Variants in DYNC2I1 observed in about 807,000 individuals in gnomAD.
DYNC2I1 encodes dynein 2 intermediate chain 1.
Under a neutral mutation model 133.4 loss-of-function variants are expected in DYNC2I1, and 89 were observed. The ratio of observed to expected loss-of-function variants is 0.67; its 90% confidence interval spans 0.56 to 0.80. DYNC2I1 has a LOEUF of 0.80. Among genes scored for constraint, DYNC2I1 ranks in the 30% least tolerant of loss-of-function variants. DYNC2I1 has a pLI of 0.00. For missense variants in DYNC2I1, 1,291 were observed against 1,314.5 expected (o/e 0.98, Z 0.28); for synonymous variants, 504 against 484.3 (o/e 1.04, Z -0.54).
At chr7:158,902,862 G>T (rs560471736) in intron 10 of DYNC2I1, 2 of 424,268 alleles carry the variant, frequency 4.7e-6, no homozygotes, top group Admixed American at 4.1e-5. Context: ...TGAGGGTGCC[G>T]TGGCCCCACT....
At chr7:158,907,055 C>T (rs1181123308) in intron 11 of DYNC2I1, among the ~76,000 whole-genome samples, 1 of 151,870 alleles carries the variant, frequency 6.6e-6, no homozygotes, top group Non-Finnish European at 1.5e-5. Context: ...GTCGAGGCCG[C>T]ACTGAGCCGT....
At chr7:158,855,948 T>C (rs887763398), upstream of DYNC2I1, among the ~76,000 whole-genome samples, 4 of 147,124 alleles carry the variant, frequency 2.7e-5, no homozygotes, top group Non-Finnish European at 3.0e-5. Context: ...TCTTTTTTTT[T>C]TTTTTTTTTT....
chr7:158,847,840 G>T, the DYNC2I1 span, among the ~76,000 whole-genome samples: 1 of 152,194 alleles, frequency 6.6e-6, no homozygotes, highest in Non-Finnish European at 1.5e-5. Context: ...AAGACAGTCA[G>T]TGTGGGGGAA....
chr7:158,902,768 A>G (rs564089204), intron 10 of DYNC2I1, 173 bp downstream of exon 10: 1 of 615,218 alleles, frequency 1.6e-6, no homozygotes, highest in East Asian at 2.8e-5. Context: ...GCCCCTGAAG[A>G]CTTGAGCACG....
chr7:158,904,883 A>G (rs1846606932), intron 10 of DYNC2I1: 1 of 262,742 alleles, frequency 3.8e-6, no homozygotes, highest in Non-Finnish European at 7.4e-6. Flanking sequence ...TGTTGTGAAG[A>G]TCAGATGAGA....
intron 24 of DYNC2I1, among the ~76,000 whole-genome samples, chr7:158,943,519 G>A (rs2129489468): frequency 6.6e-6 from 1 of 152,304 alleles, no homozygotes; most frequent in East Asian, 1.9e-4. Context: ...TCCTGTTGTG[G>A]GGACGTTTGG....
chr7:158,897,362 A>G (rs1845852077), intron 8 of DYNC2I1, among the ~76,000 whole-genome samples: 1 of 152,214 alleles, frequency 6.6e-6, no homozygotes, highest in Non-Finnish European at 1.5e-5. Context: ...GCTTTCTAGC[A>G]CTAGCTGGGC....
chr7:158,895,393 ATCAT>A (rs1232194012), intron 8 of DYNC2I1, among the ~76,000 whole-genome samples: 1 of 152,222 alleles, frequency 6.6e-6, no homozygotes, highest in Non-Finnish European at 1.5e-5. Flanking sequence ...TGTGGAGACT[ATCAT>A]TCATTCATTG....
At chr7:158,890,527 T>C (rs1845099512) in intron 7 of DYNC2I1, among the ~76,000 whole-genome samples, 1 of 152,204 alleles carries the variant, frequency 6.6e-6, no homozygotes, top group Non-Finnish European at 1.5e-5. Context: ...AAGTTCTTTT[T>C]CTATTTTCTT....
At chr7:158,925,860 G>A (rs567365112) in intron 17 of DYNC2I1, among the ~76,000 whole-genome samples, 4 of 152,098 alleles carry the variant, frequency 2.6e-5, no homozygotes, top group African/African-American at 9.7e-5. Context: ...ATTTGGCCTC[G>A]CAGAGACTTT....
At chr7:158,875,388 C>T (rs368729681) in intron 3 of DYNC2I1, among the ~76,000 whole-genome samples, 1 of 152,184 alleles carries the variant, frequency 6.6e-6, no homozygotes, top group Non-Finnish European at 1.5e-5. Context: ...CTACCGTGCC[C>T]AGCCTGGTAA....
intron 23 of DYNC2I1, among the ~76,000 whole-genome samples, chr7:158,935,210 G>C (rs756919477): frequency 6.6e-6 from 1 of 152,224 alleles, no homozygotes; most frequent in Non-Finnish European, 1.5e-5. Flanking sequence ...CAGTCCCTGC[G>C]CTGCACTCAT....
intron 14 of DYNC2I1, among the ~76,000 whole-genome samples, chr7:158,915,619 G>A (rs1274459043): frequency 0.013 from 1,652 of 126,190 alleles, 18 homozygotes; most frequent in Non-Finnish European, 0.015. Context: ...ACATCGACAC[G>A]CTGGTTGACA....
chr7:158,926,902 G>A (rs1399505617), intron 19 of DYNC2I1, 90 bp from the exon 20 acceptor site: 5 of 927,420 alleles, frequency 5.4e-6, no homozygotes, highest in Non-Finnish European at 8.2e-6. Context: ...TACCTAAATA[G>A]CACTCCATCT....
At chr7:158,886,978 T>A (rs1341888186) in intron 6 of DYNC2I1, 43 bp from the exon 7 acceptor site, 2 of 1,559,276 alleles carry the variant, frequency 1.3e-6, no homozygotes, top group Non-Finnish European at 1.8e-6. Flanking sequence ...TTAAAAGCTC[T>A]CATTTAAAGT....
chr7:158,871,296 C>T lies in DYNC2I1; in HGVS notation c.224C>T (p.Thr75Ile). The change falls in exon 3 of 25, where the codon ACC becomes ATC. Residue 75 changes from threonine (T) to isoleucine (I), a missense_variant. By Grantham distance (89) the Thr-to-Ile change is moderately conservative. Coordinates refer to ENST00000407559, the MANE Select transcript of DYNC2I1 (RefSeq NM_018051.5). ...AGAGACAGGGTGGCCGAAGTCCACA[C>T]CGCTAAGGAGAGTCCTCGTGGGGAG... ...RSRDRVAEVH[T>I]AKESPRGERD... 6.3e-7 allele frequency: 1 copy of T among 1,581,216 alleles called. No individual in the cohort carries two copies. Among genetic ancestry groups the T allele is most frequent in the Non-Finnish European group, 8.6e-7 (1 of 1,162,886 alleles).
chr7:158,948,136 G>C (rs1382115130), downstream of DYNC2I1, among the ~76,000 whole-genome samples: 1 of 152,224 alleles, frequency 6.6e-6, no homozygotes, highest in Admixed American at 6.5e-5. Context: ...CAGGCAACAG[G>C]ATGGAGTAAT....
chr7:158,928,765 CGAGACCCA>C (rs1849882863), intron 20 of DYNC2I1, among the ~76,000 whole-genome samples: 1 of 115,524 alleles, frequency 8.7e-6, no homozygotes, highest in Non-Finnish European at 2.0e-5. Flanking sequence ...AGTGATGGGG[CGAGACCCA>C]CATAGTCAGT....
Position 158,856,676 on chromosome 7 carries a change from G to C in DYNC2I1, c.-60G>C. ...GTGCGGGGCACAGGTGGCCTCTTCGGGGTGGACCGCGCCTGGCCGGGGCCG... is the reference window on the plus strand; with the variant it reads ...GTGCGGGGCACAGGTGGCCTCTTCGCGGTGGACCGCGCCTGGCCGGGGCCG... On this transcript the variant is annotated 5_prime_UTR_variant, in exon 1 of 25. Transcript: ENST00000407559. 8.1e-7 allele frequency: 1 copy of C among 1,231,540 alleles called. No homozygotes were observed. The highest frequency in any genetic ancestry group is 1.0e-6 in the Non-Finnish European group (1 of 986,652). The allele number at this position is 1,231,540 out of a possible 1,614,324, so 76.3% of individuals were successfully genotyped here.
Sources: gnomAD v4.1 joint callset for allele counts (sites outside exome capture counted in the v4.1 genomes callset) on GRCh38, gnomAD v4.1.1 for gene constraint, MANE v1.5 for transcripts, NCBI Gene and HGNC (gene_info 2026-07-23, HGNC 2026-07-21) for gene names.